TENM4: variants seen among roughly 807,000 people sequenced by gnomAD.
The protein encoded by TENM4 is teneurin-4.
A neutral mutation model predicts 243.3 loss-of-function variants in TENM4; 82 were observed. That is an observed-to-expected ratio of 0.34 (90% CI 0.28 to 0.40). The LOEUF (loss-of-function observed/expected upper bound fraction) is 0.40. Ranked by LOEUF, TENM4 falls within the 10% of genes least tolerant of loss-of-function variation. The pLI, the probability that TENM4 is intolerant of heterozygous loss-of-function variation, is 1.00. For synonymous variants in TENM4, 1,412 were observed against 1,456.3 expected (o/e 0.97, Z 0.69); for missense variants, 3,138 against 3,673.3 (o/e 0.85, Z 3.77).
chr11:79,111,024 A>G (rs931971145), intron 4 of TENM4, among the ~76,000 whole-genome samples: 2 of 152,066 alleles, frequency 1.3e-5, no homozygotes, highest in Non-Finnish European at 2.9e-5. Flanking sequence ...CATAATTTCC[A>G]TGAGTTGTGG....
intron 28 of TENM4, among the ~76,000 whole-genome samples, chr11:78,698,318 T>C (rs1183364204): frequency 6.6e-6 from 1 of 151,942 alleles, no homozygotes; most frequent in Non-Finnish European, 1.5e-5. Context: ...AGGAGAACTG[T>C]GGAGGTTGCA....
intron 12 of TENM4, among the ~76,000 whole-genome samples, chr11:78,824,186 G>A (rs1296641582): frequency 3.9e-5 from 6 of 152,150 alleles, no homozygotes; most frequent in African/African-American, 1.4e-4. Context: ...TGGAGACTGG[G>A]TAATTTATAA....
chr11:78,884,187 T>C (rs1855497214), intron 9 of TENM4, among the ~76,000 whole-genome samples: 1 of 152,156 alleles, frequency 6.6e-6, no homozygotes, highest in African/African-American at 2.4e-5. Context: ...AGAGAGAGGT[T>C]GTGTAAACTC....
chr11:78,764,225 C>A lies in TENM4; in HGVS notation c.2539+6767G>T, dbSNP rs1016634026. ...CTATTAAAGATGGGGGCAAGGCCAA[C>A]CTTCTCACCTTTACAAATAAGGACA... On this transcript the variant is annotated intron_variant, in intron 18 of 33. Coordinates refer to ENST00000278550, the MANE Select transcript of TENM4 (RefSeq NM_001098816.3). Among the ~76,000 whole-genome samples the A allele has an allele frequency of 2.0e-5, 3 of 152,310 alleles. No homozygotes were observed. In the East Asian group the frequency reaches 5.8e-4, roughly 29 times the overall value.
intron 1 of TENM4, among the ~76,000 whole-genome samples, chr11:79,385,927 C>G (rs2135532436): frequency 6.6e-6 from 1 of 152,292 alleles, no homozygotes; most frequent in African/African-American, 2.4e-5. Flanking sequence ...CCTGTTGTGT[C>G]TCTATTAAAC....
chr11:79,021,253 A>G (rs899289471), intron 6 of TENM4, among the ~76,000 whole-genome samples: 1 of 152,166 alleles, frequency 6.6e-6, no homozygotes, highest in Non-Finnish European at 1.5e-5. Context: ...GCCATTTACC[A>G]TTCATTCACG....
At chr11:78,820,651 C>A (rs1018057056) in intron 12 of TENM4, among the ~76,000 whole-genome samples, 1 of 152,164 alleles carries the variant, frequency 6.6e-6, no homozygotes, top group Non-Finnish European at 1.5e-5. Context: ...TCAAATGAAT[C>A]CAAACAAGGA....
chr11:78,946,804 G>A (rs1215949015), intron 6 of TENM4, among the ~76,000 whole-genome samples: 1 of 152,170 alleles, frequency 6.6e-6, no homozygotes, highest in Non-Finnish European at 1.5e-5. Flanking sequence ...AGTAACTGCA[G>A]GTGTGTTGGT....
intron 27 of TENM4, among the ~76,000 whole-genome samples, chr11:78,704,062 CACATAT>C (rs1859175700): frequency 1.4e-5 from 2 of 146,052 alleles, no homozygotes; most frequent in African/African-American, 2.6e-5. Flanking sequence ...CACACACACA[CACATAT>C]ATATATAAAT....
intron 6 of TENM4, among the ~76,000 whole-genome samples, chr11:78,918,367 C>T (rs1016799783): frequency 6.6e-6 from 1 of 151,920 alleles, no homozygotes; most frequent in Admixed American, 6.6e-5. Flanking sequence ...TCTGTGGGTG[C>T]CACCTGGGCT....
intron 6 of TENM4, among the ~76,000 whole-genome samples, chr11:79,030,107 G>T (rs941737353): frequency 2.6e-5 from 4 of 152,178 alleles, no homozygotes; most frequent in Non-Finnish European, 5.9e-5. Flanking sequence ...CGGCAATCAG[G>T]CATGTAATCA....
intron 1 of TENM4, among the ~76,000 whole-genome samples, chr11:79,371,755 C>T (rs1398148399): frequency 6.6e-6 from 1 of 152,168 alleles, no homozygotes. Context: ...ATTGTTGTTA[C>T]TAGTGAAGTC....
At chr11:78,773,924 G>T (rs1326797907) in intron 17 of TENM4, among the ~76,000 whole-genome samples, 2 of 152,132 alleles carry the variant, frequency 1.3e-5, no homozygotes, top group African/African-American at 4.8e-5. Context: ...ATTTTCTAGG[G>T]CAGATCCAAT....
At chr11:79,292,428 T>G (rs1247172315) in intron 2 of TENM4, among the ~76,000 whole-genome samples, 1 of 152,248 alleles carries the variant, frequency 6.6e-6, no homozygotes, top group African/African-American at 2.4e-5. Flanking sequence ...CAAATTGGGT[T>G]TGTTCCCCAG....
intron 6 of TENM4, among the ~76,000 whole-genome samples, chr11:79,044,430 C>T (rs1239107005): frequency 3.3e-5 from 5 of 152,122 alleles, no homozygotes; most frequent in South Asian, 2.1e-4. Context: ...GCATAGGAGG[C>T]GGCAGGACTG....
At chr11:79,222,144 G>A (rs1229465761) in intron 2 of TENM4, among the ~76,000 whole-genome samples, 2 of 152,230 alleles carry the variant, frequency 1.3e-5, no homozygotes, top group African/African-American at 4.8e-5. Context: ...GAGGATCTGT[G>A]CTATGGCAGG....
At chr11:79,419,153 G>C (rs190159475) in intron 1 of TENM4, among the ~76,000 whole-genome samples, 1 of 152,198 alleles carries the variant, frequency 6.6e-6, no homozygotes, top group Non-Finnish European at 1.5e-5. Context: ...CGCATCTAAA[G>C]TGGTGAAGGA....
At chr11:78,725,118 A>C (rs528780601) in intron 23 of TENM4, among the ~76,000 whole-genome samples, 1 of 152,354 alleles carries the variant, frequency 6.6e-6, no homozygotes, top group South Asian at 2.1e-4. Context: ...AATGCGTTCT[A>C]TTCCACGGAA....
At chr11:79,004,223 G>A (rs1291472431) in intron 6 of TENM4, among the ~76,000 whole-genome samples, 3 of 152,170 alleles carry the variant, frequency 2.0e-5, no homozygotes, top group Non-Finnish European at 2.9e-5. Context: ...GACGGTAGGA[G>A]ATAGATCACC....
Sources: allele counts gnomAD v4.1 joint callset (sites outside exome capture counted in the v4.1 genomes callset), GRCh38; gene constraint gnomAD v4.1.1; transcripts MANE v1.5; gene names NCBI Gene and HGNC (gene_info 2026-07-23, HGNC 2026-07-21).